PXT1: variants seen among roughly 807,000 people sequenced by gnomAD.
PXT1 encodes the protein peroxisomal testis enriched protein 1, also known as peroxisomal testis-specific protein 1.
PXT1 carries 11 observed loss-of-function variants against 11.0 expected under a neutral mutation model. The observed-to-expected ratio is 1.00, with a 90% confidence interval of 0.63 to 1.66. The LOEUF (loss-of-function observed/expected upper bound fraction) is 1.66, where lower values mean the gene tolerates loss of function less well. Ranked by LOEUF, PXT1 falls within the 40% of genes most tolerant of loss-of-function variation. The pLI, the probability that PXT1 is intolerant of heterozygous loss-of-function variation, is 0.00. For missense variants in PXT1, 141 were observed against 155.5 expected, an observed-to-expected ratio of 0.91 and a Z score of 0.49; for synonymous variants, 43 against 51.4, an observed-to-expected ratio of 0.84 and a Z score of 0.70.
intron 3 of PXT1, among the ~76,000 whole-genome samples, chr6:36,419,424 C>T (rs1268291176): frequency 2.6e-5 from 4 of 152,168 alleles, no homozygotes; most frequent in Non-Finnish European, 5.9e-5. Flanking sequence ...AGGAAACCAA[C>T]AAGCCTTGGG....
At chr6:36,425,150 G>A (rs900907979) in intron 3 of PXT1, among the ~76,000 whole-genome samples, 9 of 152,052 alleles carry the variant, frequency 5.9e-5, no homozygotes, top group Non-Finnish European at 1.0e-4. Flanking sequence ...CAGCATTCTG[G>A]GGCATTTAGG....
intron 2 of PXT1, among the ~76,000 whole-genome samples, chr6:36,435,711 CAGT>C (rs2127418864): frequency 6.6e-6 from 1 of 152,094 alleles, no homozygotes; most frequent in South Asian, 2.1e-4. Flanking sequence ...CAATGATAAA[CAGT>C]AGATCCTAAA....
At chr6:36,436,353 T>C (rs1448793145) in intron 2 of PXT1, among the ~76,000 whole-genome samples, 1 of 152,198 alleles carries the variant, frequency 6.6e-6, no homozygotes, top group East Asian at 1.9e-4. Flanking sequence ...ACCACTGTAG[T>C]AATTCAATAA....
At chr6:36,407,101 G>A (rs1000488585) in intron 3 of PXT1, among the ~76,000 whole-genome samples, 1 of 152,196 alleles carries the variant, frequency 6.6e-6, no homozygotes, top group Non-Finnish European at 1.5e-5. Flanking sequence ...TAAAAATTAA[G>A]TTCGTGATAC....
chr6:36,427,581 G>A (rs974129632), intron 2 of PXT1, among the ~76,000 whole-genome samples: 5 of 151,978 alleles, frequency 3.3e-5, no homozygotes, highest in African/African-American at 4.8e-5. Context: ...AAAAAGAAAT[G>A]AGTAAAATTA....
chr6:36,401,342 C>A (rs546649714), intron 3 of PXT1, among the ~76,000 whole-genome samples: 1 of 151,982 alleles, frequency 6.6e-6, no homozygotes, highest in African/African-American at 2.4e-5. Context: ...CAGTTTAAAA[C>A]GTAGATTCAG....
At chr6:36,415,402 C>T (rs1774433833) in intron 3 of PXT1, among the ~76,000 whole-genome samples, 1 of 152,110 alleles carries the variant, frequency 6.6e-6, no homozygotes, top group Non-Finnish European at 1.5e-5. Flanking sequence ...CGAGATCGCA[C>T]CACTGCACTC....
chr6:36,435,470 G>GCTACT (rs1272867510), intron 2 of PXT1, among the ~76,000 whole-genome samples: 1 of 152,140 alleles, frequency 6.6e-6, no homozygotes, highest in African/African-American at 2.4e-5. Flanking sequence ...GGCTGAGGCA[G>GCTACT]GAGGATACTT....
At chr6:36,441,106 A>G (rs1435448155) in intron 1 of PXT1, among the ~76,000 whole-genome samples, 1 of 147,776 alleles carries the variant, frequency 6.8e-6, no homozygotes, top group Non-Finnish European at 1.5e-5. Context: ...CATTCTCCAC[A>G]AAAAGAAAAA....
chr6:36,412,437 G>A (rs1044066528), intron 3 of PXT1, among the ~76,000 whole-genome samples: 5 of 151,042 alleles, frequency 3.3e-5, no homozygotes, highest in East Asian at 2.0e-4. Flanking sequence ...CGAGGTGGGC[G>A]GATCACGAGG....
At chr6:36,394,265 T>C (rs564623394) in intron 4 of PXT1, among the ~76,000 whole-genome samples, 1 of 152,312 alleles carries the variant, frequency 6.6e-6, no homozygotes, top group South Asian at 2.1e-4. Context: ...TGAAACTCCA[T>C]TGCTTCTCCT....
At chr6:36,406,521 A>G (rs1327362536) in intron 3 of PXT1, among the ~76,000 whole-genome samples, 1 of 152,194 alleles carries the variant, frequency 6.6e-6, no homozygotes, top group Non-Finnish European at 1.5e-5. Context: ...AAAGAAACCA[A>G]GACTCAAGAG....
chr6:36,410,933 AC>A (rs1774363860), intron 3 of PXT1, among the ~76,000 whole-genome samples: 1 of 152,216 alleles, frequency 6.6e-6, no homozygotes, highest in African/African-American at 2.4e-5. Context: ...TAACTATGTA[AC>A]CTGCCACAAG....
At chr6:36,412,958 G>C (rs1167382634) in intron 3 of PXT1, among the ~76,000 whole-genome samples, 2 of 150,410 alleles carry the variant, frequency 1.3e-5, no homozygotes, top group Non-Finnish European at 3.0e-5. Flanking sequence ...CTCAAAGAAA[G>C]AAAATCAGAA....
In PXT1 at chr6:36,390,969, G is replaced by C. The variant is rs1352477555; in HGVS notation, c.*801C>G. 1.3e-5 allele frequency: 2 copies of C among 152,298 alleles called. No individual in the cohort carries two copies. Among genetic ancestry groups the C allele is most frequent in the African/African-American group, 2.4e-5 (1 of 41,468 alleles). The allele number at this position is 152,298 out of a possible 1,614,324, so 9.4% of individuals were successfully genotyped here. On this transcript the variant is annotated 3_prime_UTR_variant, in exon 5 of 5. Transcript: ENST00000454782. ...CGATTTTAAGCAGGCATGCCTAAAA[G>C]AGGATGACAGAGCAGGGAAAGATAC...
chr6:36,428,730 T>G (rs902185673), intron 2 of PXT1, among the ~76,000 whole-genome samples: 2 of 148,374 alleles, frequency 1.3e-5, no homozygotes, highest in Admixed American at 1.4e-4. Flanking sequence ...ATGCTAATTA[T>G]ATTTTTCATC....
At chr6:36,441,215 G>A (rs879738822) in intron 1 of PXT1, among the ~76,000 whole-genome samples, 4 of 152,076 alleles carry the variant, frequency 2.6e-5, no homozygotes, top group Non-Finnish European at 4.4e-5. Context: ...ATATCAGAAG[G>A]TTTTTTATTT....
At chr6:36,393,939 C>T (rs1386503354) in intron 4 of PXT1, among the ~76,000 whole-genome samples, 1 of 152,166 alleles carries the variant, frequency 6.6e-6, no homozygotes, top group Non-Finnish European at 1.5e-5. Context: ...TGATCACTCC[C>T]ATATCTCCGG....
At chr6:36,432,986 T>C (rs942485627) in intron 2 of PXT1, among the ~76,000 whole-genome samples, 1 of 151,554 alleles carries the variant, frequency 6.6e-6, no homozygotes, top group Non-Finnish European at 1.5e-5. Context: ...GTGGCTCCCA[T>C]AGAAAAAGCC....
Sources: gnomAD v4.1 joint callset for allele counts (sites outside exome capture counted in the v4.1 genomes callset) on GRCh38, gnomAD v4.1.1 for gene constraint, MANE v1.5 for transcripts, NCBI Gene and HGNC (gene_info 2026-07-23, HGNC 2026-07-21) for gene names.